Variants in PDZD2 observed in about 807,000 individuals in gnomAD.
The protein encoded by PDZD2 is PDZ domain containing 2.
In PDZD2, 90 loss-of-function variants were observed where a neutral mutation model predicts 220.7. The ratio of observed to expected loss-of-function variants is 0.41; its 90% CI spans 0.34 to 0.49. The LOEUF (loss-of-function observed/expected upper bound fraction) is 0.49, where lower values mean the gene tolerates loss of function less well. Among genes scored for constraint, PDZD2 ranks in the 20% least tolerant of loss-of-function variants. The pLI, the probability that PDZD2 is intolerant of heterozygous loss-of-function variation, is 0.28. For missense variants in PDZD2, 3,174 were observed against 3,608.5 expected, an observed-to-expected ratio of 0.88 and a Z score of 3.08; for synonymous variants, 1,375 against 1,450.5, an observed-to-expected ratio of 0.95 and a Z score of 1.18.
At chr5:31,703,657 TC>T (rs1747691770) in intron 1 of PDZD2, among the ~76,000 whole-genome samples, 1 of 152,062 alleles carries the variant, frequency 6.6e-6, no homozygotes, top group Non-Finnish European at 1.5e-5. Flanking sequence ...AAGAAATGTG[TC>T]CCTCTGACTT....
At chr5:32,104,716 T>TAAAAAA (rs755177769) in intron 24 of PDZD2, among the ~76,000 whole-genome samples, 11 of 30,102 alleles carry the variant, frequency 3.7e-4, no homozygotes, top group Non-Finnish European at 4.6e-4. Flanking sequence ...AGGCTCCATC[T>TAAAAAA]AAAAAAAAAA....
intron 1 of PDZD2, among the ~76,000 whole-genome samples, chr5:31,695,953 A>G (rs941709633): frequency 3.3e-5 from 5 of 152,124 alleles, no homozygotes; most frequent in East Asian, 1.9e-4. Context: ...TCTCTTCCCC[A>G]AAGTTCTCCT....
intron 1 of PDZD2, among the ~76,000 whole-genome samples, chr5:31,756,769 G>C (rs1163468866): frequency 6.6e-6 from 1 of 152,246 alleles, no homozygotes; most frequent in Non-Finnish European, 1.5e-5. Flanking sequence ...CACCTGCACT[G>C]CCTTACATGT....
intron 2 of PDZD2, among the ~76,000 whole-genome samples, chr5:31,830,228 C>A (rs1278698042): frequency 1.3e-5 from 2 of 149,178 alleles, no homozygotes; most frequent in East Asian, 2.0e-4. Context: ...TGCAGTGGAG[C>A]GATCTCGGCT....
At chr5:32,092,498 G>C (rs1243811214) in intron 20 of PDZD2, among the ~76,000 whole-genome samples, 3 of 152,254 alleles carry the variant, frequency 2.0e-5, no homozygotes, top group East Asian at 1.9e-4. Flanking sequence ...CTTGAACCCA[G>C]GAGGTAGAGG....
rs184454230 is a variant in PDZD2, at chr5:32,082,722, A to G, written c.3683-4409A>G. Among the ~76,000 whole-genome samples the G allele has an allele frequency of 2.6e-5, 4 of 152,310 alleles. No individual in the cohort carries two copies. In the East Asian group the frequency reaches 7.7e-4, roughly 29 times the overall value. On this transcript the variant is annotated intron_variant, in intron 19 of 24. Transcript: ENST00000438447. ...CAGTAAGATACGTGTGTGTGTATGT[A>G]TGTGTGTATGTATACCTACACACAT...
intron 1 of PDZD2, among the ~76,000 whole-genome samples, chr5:31,775,756 G>T (rs1040553987): frequency 6.6e-6 from 1 of 151,374 alleles, no homozygotes; most frequent in African/African-American, 2.4e-5. Flanking sequence ...TCCAACGCTG[G>T]TGGACTGTTA....
At chr5:31,965,229 G>A (rs1336308039) in intron 2 of PDZD2, among the ~76,000 whole-genome samples, 1 of 152,220 alleles carries the variant, frequency 6.6e-6, no homozygotes, top group Non-Finnish European at 1.5e-5. Flanking sequence ...ACGGAGGAGA[G>A]CTCCAAAGCC....
chr5:32,007,565 G>C (rs542432169), intron 5 of PDZD2, among the ~76,000 whole-genome samples: 2 of 152,126 alleles, frequency 1.3e-5, no homozygotes, highest in African/African-American at 4.8e-5. Flanking sequence ...CGTGAAACTA[G>C]TAACAAACAT....
At chr5:31,674,843 G>A (rs1746345274) in intron 1 of PDZD2, among the ~76,000 whole-genome samples, 1 of 152,100 alleles carries the variant, frequency 6.6e-6, no homozygotes, top group South Asian at 2.1e-4. Flanking sequence ...CCTTCCAGGT[G>A]GGGGCTGTTG....
At chr5:31,803,970 T>C (rs572548941) in intron 2 of PDZD2, among the ~76,000 whole-genome samples, 1 of 149,262 alleles carries the variant, frequency 6.7e-6, no homozygotes, top group African/African-American at 2.5e-5. Flanking sequence ...GCCCAGGAGG[T>C]CGATCGAGGC....
chr5:32,041,253 G>A (rs1388552745), intron 7 of PDZD2, among the ~76,000 whole-genome samples: 11 of 151,764 alleles, frequency 7.2e-5, no homozygotes, highest in East Asian at 2.0e-4. Flanking sequence ...TCTGGGAAGC[G>A]AGGAGCGCCT....
intron 1 of PDZD2, among the ~76,000 whole-genome samples, chr5:31,788,093 G>A (rs113001596): frequency 0.031 from 4,787 of 152,256 alleles, 86 homozygotes; most frequent in Middle Eastern, 0.048. Flanking sequence ...CTCCCAGGCC[G>A]GGCGCCGTGG....
At chr5:31,782,862 C>T (rs13187476) in intron 1 of PDZD2, among the ~76,000 whole-genome samples, 25,954 of 151,480 alleles carry the variant, frequency 0.17, 2,803 homozygotes, top group Non-Finnish European at 0.23. Flanking sequence ...TACAGGTGCC[C>T]GCCACCACAC....
intron 6 of PDZD2, 67 bp from the exon 7 acceptor site, chr5:32,037,164 G>A: frequency 2.1e-6 from 2 of 955,652 alleles, no homozygotes; most frequent in Non-Finnish European, 3.4e-6. Flanking sequence ...TAACATTGTG[G>A]AGGGGGACAG....
chr5:31,679,075 G>A (rs1427170289), intron 1 of PDZD2, among the ~76,000 whole-genome samples: 1 of 152,212 alleles, frequency 6.6e-6, no homozygotes, highest in Admixed American at 6.5e-5. Context: ...GGTATGGGCA[G>A]GATAGTGGCC....
At chr5:31,856,501 C>T (rs983881370) in intron 2 of PDZD2, among the ~76,000 whole-genome samples, 3 of 152,180 alleles carry the variant, frequency 2.0e-5, no homozygotes, top group Non-Finnish European at 4.4e-5. Flanking sequence ...CTCTCTGAGC[C>T]TGCATTGCTG....
chr5:31,762,087 T>C (rs1751690915), intron 1 of PDZD2, among the ~76,000 whole-genome samples: 1 of 152,130 alleles, frequency 6.6e-6, no homozygotes, highest in Non-Finnish European at 1.5e-5. Context: ...AAGGAGGAAA[T>C]GGTGCTAAAC....
intron 2 of PDZD2, among the ~76,000 whole-genome samples, chr5:31,868,207 A>C (rs1267430563): frequency 1.3e-5 from 2 of 152,130 alleles, no homozygotes; most frequent in African/African-American, 4.8e-5. Flanking sequence ...GCACTTTGGG[A>C]GGCTGAGGTG....
Sources: allele counts gnomAD v4.1 joint callset (sites outside exome capture counted in the v4.1 genomes callset), GRCh38; gene constraint gnomAD v4.1.1; transcripts MANE v1.5; gene names NCBI Gene and HGNC (gene_info 2026-07-23, HGNC 2026-07-21).